Variants in GTPBP2 observed in about 807,000 individuals in gnomAD.
The protein encoded by GTPBP2 is GTP binding protein 2.
A neutral mutation model predicts 63.0 loss-of-function variants in GTPBP2; 32 were observed. The ratio of observed to expected loss-of-function variants is 0.51; its 90% CI spans 0.38 to 0.68. GTPBP2 has a LOEUF of 0.68. Among genes scored for constraint, GTPBP2 ranks in the 30% least tolerant of loss-of-function variants. The pLI is 0.00. For missense variants in GTPBP2, 492 were observed against 796.9 expected, an observed-to-expected ratio of 0.62 and a Z score of 4.61; for synonymous variants, 310 against 322.6, an observed-to-expected ratio of 0.96 and a Z score of 0.42.
At position 43,623,942 on chromosome 6, in the gene GTPBP2, C is replaced by T. The variant is rs1473301302; in HGVS notation, c.1227G>A (p.Thr409=). 4.3e-6 allele frequency: 7 copies of T among 1,613,860 alleles called. No homozygotes were observed. The highest frequency in any genetic ancestry group is 4.0e-5 in the African/African-American group (3 of 74,932). The part of the protein sequence containing the change: ...KEQEELMQQL[T]EFQVDEIYTV... Reference sequence around the variant, plus strand: ...TTGGGCAGTCAACTACCTGGAACTCCGTCAGCTGCTGCATGAGTTCCTCCT... The same window carrying T: ...TTGGGCAGTCAACTACCTGGAACTCTGTCAGCTGCTGCATGAGTTCCTCCT... The change falls in exon 8 of 12, where the codon ACG becomes ACA. Residue 409 remains threonine, a synonymous_variant. Transcript: ENST00000307126.
In GTPBP2 at chr6:43,621,590, T is replaced by C. The variant is rs959097310; in HGVS notation, c.*24A>G. 1 of 1,614,074 alleles carries C rather than the reference T, an allele frequency of 6.2e-7. No homozygotes were observed. Among genetic ancestry groups the C allele is most frequent in the Non-Finnish European group, 8.5e-7 (1 of 1,179,930 alleles). ...ACCTTATATATTGTAGGGACAGCAA[T>C]AGAACTGTCCCTGCCTGAAGGGTTC... On this transcript the variant is annotated 3_prime_UTR_variant, in exon 12 of 12. Coordinates refer to ENST00000307126, the MANE Select transcript of GTPBP2 (RefSeq NM_019096.5).
Position 43,621,496 on chromosome 6 carries a change from C to G in GTPBP2, c.*118G>C, listed in dbSNP as rs774955540. On this transcript the variant is annotated 3_prime_UTR_variant, in exon 12 of 12. Coordinates refer to ENST00000307126, the MANE Select transcript of GTPBP2 (RefSeq NM_019096.5). ...AAGTTGGCAGGGAGCAAGTGGCAGACAGCACCCCTCTCTCCCTAGCCTATT... is the reference window on the plus strand; with the variant it reads ...AAGTTGGCAGGGAGCAAGTGGCAGAGAGCACCCCTCTCTCCCTAGCCTATT... 1.3e-5 allele frequency: 20 copies of G among 1,565,164 alleles called. No individual in the cohort carries two copies. The highest frequency in any genetic ancestry group is 1.7e-5 in the Non-Finnish European group (20 of 1,154,632).
chr6:43,622,859 C>T lies in GTPBP2; in HGVS notation c.1296-55G>A. ...TCAGCCAAGGTCCCCATACCTACTT[C>T]TCTATTAGGATCACCCAGAGCATTC... On this transcript the variant is annotated intron_variant, in intron 9 of 11. Transcript: ENST00000307126. The surrounding 1 kb of genome is among the most constrained non-coding windows in gnomAD (Gnocchi z 5.4). 2 of 1,363,038 alleles carry T rather than the reference C, an allele frequency of 1.5e-6. No homozygotes were observed. The highest frequency in any genetic ancestry group is 2.0e-5 in the Admixed American group (1 of 51,256). The allele number at this position is 1,363,038 out of a possible 1,614,324, so 84.4% of individuals were successfully genotyped here.
chr6:43,625,125 CA>C lies in GTPBP2; in HGVS notation c.706-64del. 6.6e-7 allele frequency: 1 copy of C among 1,516,024 alleles called. No homozygotes were observed. The highest frequency in any genetic ancestry group is 1.8e-5 in the Admixed American group (1 of 57,122). The allele number at this position is 1,516,024 out of a possible 1,614,324, so 93.9% of individuals were successfully genotyped here. A position where few individuals can be genotyped will look rare whatever the true frequency, so the allele number is the denominator to read the frequency against. ...GCCCTTCCAACCCCTTCAGAGTTGC[CA>C]GGACCTAAACCATTCCCTGGGTGAC... is the stretch of plus-strand genomic sequence containing the variant. On this transcript the variant is annotated intron_variant, in intron 5 of 11. Coordinates refer to ENST00000307126, the MANE Select transcript of GTPBP2 (RefSeq NM_019096.5). The surrounding 1 kb of genome is among the most constrained non-coding windows in gnomAD (Gnocchi z 5.1).
Position 43,624,840 on chromosome 6 carries a change from A to G in GTPBP2, c.880+48T>C. ...TCCAAGATTTGAGGCCCAGGGTAGG[A>G]GAGTCAGCACCCCCCTTCAGCCCTG... On this transcript the variant is annotated intron_variant, in intron 6 of 11. Coordinates refer to ENST00000307126, the MANE Select transcript of GTPBP2 (RefSeq NM_019096.5). The surrounding 1 kb of genome is among the most constrained non-coding windows in gnomAD (Gnocchi z 5.1). 2 of 1,596,450 alleles carry G rather than the reference A, an allele frequency of 1.3e-6. No individual in the cohort carries two copies. The highest frequency in any genetic ancestry group is 8.6e-7 in the Non-Finnish European group (1 of 1,164,696).
chr6:43,622,164 T>G lies in GTPBP2; in HGVS notation c.1471A>C (p.Met491Leu). The G allele has an allele frequency of 6.2e-7, 1 of 1,609,536 alleles. No homozygotes were observed. The highest frequency in any genetic ancestry group is 8.5e-7 in the Non-Finnish European group (1 of 1,176,132). ...DFDRALLRKG[M>L]VMVSPEMNPT... ...TTCATCTCCGGGCTCACCATCACCA[T>G]GCCCTGGGGAGGAACAGACCCCAGG... The change falls in exon 11 of 12, where the codon ATG becomes CTG. Residue 491 changes from methionine to leucine, a missense_variant. Transcript: ENST00000307126. The surrounding 1 kb of genome is among the most constrained non-coding windows in gnomAD (Gnocchi z 5.4).
Position 43,624,675 on chromosome 6 carries a change from A to T in GTPBP2, c.935T>A (p.Phe312Tyr). ...TAGGTCGATCTTGCTGACCACGATG[A>T]AGAAGGGCACTTTCAGGGCCAGGGC... Reference protein sequence around the residue: ...GLALALKVPFFIVVSKIDLCA... With the variant: ...GLALALKVPFYIVVSKIDLCA... Residue 312 changes from phenylalanine to tyrosine, a missense_variant, in exon 7 of 12, where the codon TTC becomes TAC. By Grantham distance (22) the Phe-to-Tyr change is conservative. Coordinates refer to ENST00000307126, the MANE Select transcript of GTPBP2 (RefSeq NM_019096.5). This position sits in a 1 kb window ranked among gnomAD's most constrained non-coding sequence, Gnocchi z 5.1. 1 of 1,614,148 alleles carries T rather than the reference A, an allele frequency of 6.2e-7. No individual in the cohort carries two copies. The highest frequency in any genetic ancestry group is 1.3e-5 in the African/African-American group (1 of 75,032).
At position 43,625,123 on chromosome 6, in the gene GTPBP2, G is replaced by C. The variant is rs112379050; in HGVS notation, c.706-61C>G. On this transcript the variant is annotated intron_variant, in intron 5 of 11. Coordinates refer to ENST00000307126, the MANE Select transcript of GTPBP2 (RefSeq NM_019096.5). This position sits in a 1 kb window ranked among gnomAD's most constrained non-coding sequence, Gnocchi z 5.1. ...CAGCCCTTCCAACCCCTTCAGAGTT[G>C]CCAGGACCTAAACCATTCCCTGGGT... 8.6e-6 allele frequency: 13 copies of C among 1,518,966 alleles called. No homozygotes were observed. In the African/African-American group the frequency reaches 1.1e-4, roughly 13 times the overall value. The allele number at this position is 1,518,966 out of a possible 1,614,324, so 94.1% of individuals were successfully genotyped here.
At position 43,621,251 on chromosome 6, in the gene GTPBP2, C is replaced by T; in HGVS notation, c.*363G>A. 2.3e-6 allele frequency: 1 copy of T among 435,646 alleles called. No individual in the cohort carries two copies. The highest frequency in any genetic ancestry group is 4.4e-6 in the Non-Finnish European group (1 of 227,772). 27.0% of individuals were successfully genotyped at this position (435,646 alleles called of 1,614,324 possible). A position where few individuals can be genotyped will look rare whatever the true frequency, so the allele number is the denominator to read the frequency against. On this transcript the variant is annotated 3_prime_UTR_variant, in exon 12 of 12. Coordinates refer to ENST00000307126, the MANE Select transcript of GTPBP2 (RefSeq NM_019096.5). ...GGGCTACCCCCTGTTGTGACCATTC[C>T]TGAAGTGCAGAGACCACACCAGCAA...
rs1158589639 is a variant in GTPBP2, at chr6:43,626,757, A to C, written c.213+165T>G. Among the ~76,000 whole-genome samples the C allele has an allele frequency of 1.3e-5, 2 of 151,960 alleles. No individual in the cohort carries two copies. The highest frequency in any genetic ancestry group is 1.9e-4 in the East Asian group (1 of 5,184). ...ATGCCTGTAATCCCAGCTACTTGGG[A>C]GGCTGAGGCAGGAGAATCTGAGATT... On this transcript the variant is annotated intron_variant, in intron 2 of 11. Coordinates refer to ENST00000307126, the MANE Select transcript of GTPBP2 (RefSeq NM_019096.5). The surrounding 1 kb of genome is among the most constrained non-coding windows in gnomAD (Gnocchi z 4.0).
intron 1 of GTPBP2, chr6:43,628,478 G>T (rs1769601471): frequency 8.0e-6 from 5 of 623,846 alleles, no homozygotes; most frequent in Non-Finnish European, 8.0e-6. Context: ...GGCTGTGTGT[G>T]TGTGTGTGTG....
In GTPBP2 at chr6:43,626,335, G is replaced by A. The variant is rs375896614; in HGVS notation, c.289C>T (p.Arg97Cys). 45 of 1,613,950 alleles carry A rather than the reference G, an allele frequency of 2.8e-5. No homozygotes were observed. The highest frequency in any genetic ancestry group is 3.6e-5 in the Non-Finnish European group (42 of 1,179,958). Reference sequence around the variant, plus strand: ...CCAATCTGGTAGACGGCCTCACCACGTCCCTCCTGGAGCCGCCACTTCATT... The same window carrying A: ...CCAATCTGGTAGACGGCCTCACCACATCCCTCCTGGAGCCGCCACTTCATT... ...TQMKWRLQEG[R>C]GEAVYQIGVE... is the part of the protein sequence containing the mutation. The change falls in exon 3 of 12, where the codon CGT (arginine) becomes TGT (cysteine). Residue 97 changes from arginine to cysteine, a missense_variant. Around this residue, in one of 2 missense-constraint regions of GTPBP2, gnomAD observed 400 missense variants for 710.8 expected, o/e 0.56. Transcript: ENST00000307126. The surrounding 1 kb of genome is among the most constrained non-coding windows in gnomAD (Gnocchi z 4.0).
chr6:43,629,289 GC>G (rs1371045488), upstream of GTPBP2: 4 of 680,184 alleles, frequency 5.9e-6, no homozygotes, highest in Non-Finnish European at 8.9e-6. Context: ...CACAAGCTAC[GC>G]CCCCCACCTC....
chr6:43,631,067 G>C (rs2127854243), upstream of GTPBP2, among the ~76,000 whole-genome samples: 1 of 152,194 alleles, frequency 6.6e-6, no homozygotes, highest in African/African-American at 2.4e-5. Context: ...TTCCTCCCAG[G>C]GCCACAAGGA....
Position 43,621,792 on chromosome 6 carries a change from T to C in GTPBP2, c.1633-2A>G. On this transcript the variant is annotated splice_acceptor_variant, in intron 11 of 11. Transcript: ENST00000307126. LOFTEE classifies it high-confidence loss of function. ...CTTCTCGCCTGTCCGCAGTTTGTCC[T>C]GCAGCAAATAAGTGGTCACTCCCCT... The C allele has an allele frequency of 6.2e-7, 1 of 1,614,176 alleles. No homozygotes were observed. The highest frequency in any genetic ancestry group is 8.5e-7 in the Non-Finnish European group (1 of 1,180,010).
At chr6:43,629,938 A>T (rs1007477729), upstream of GTPBP2, among the ~76,000 whole-genome samples, 1 of 152,252 alleles carries the variant, frequency 6.6e-6, no homozygotes, top group Non-Finnish European at 1.5e-5. Context: ...TGGCCCCGAC[A>T]CGAGACCCGA....
At position 43,624,485 on chromosome 6, in the gene GTPBP2, G is replaced by C; in HGVS notation, c.1100+25C>G. ...CTGTGGCAGCCTTCCTAGTGGATCA[G>C]GGCTTTAGAGTAAGGTGGGCTTACT... On this transcript the variant is annotated intron_variant, in intron 7 of 11. Transcript: ENST00000307126. The surrounding 1 kb of genome is among the most constrained non-coding windows in gnomAD (Gnocchi z 5.1). 6.4e-7 allele frequency: 1 copy of C among 1,557,494 alleles called. No individual in the cohort carries two copies. Among genetic ancestry groups the C allele is most frequent in the Non-Finnish European group, 8.8e-7 (1 of 1,133,116 alleles).
Position 43,626,713 on chromosome 6 carries a change from T to C in GTPBP2, c.213+209A>G, listed in dbSNP as rs1769378755. Among the ~76,000 whole-genome samples the C allele has an allele frequency of 6.6e-6, 1 of 151,570 alleles. No homozygotes were observed. The highest frequency in any genetic ancestry group is 2.4e-5 in the African/African-American group (1 of 41,166). ...CTCATCTCTACTAAAAATACAAAAT[T>C]AGCCAGGCATGGTGGCGCATGCCTG... On this transcript the variant is annotated intron_variant, in intron 2 of 11. Transcript: ENST00000307126. The surrounding 1 kb of genome is among the most constrained non-coding windows in gnomAD (Gnocchi z 4.0).
chr6:43,621,924 C>T (rs761926846), intron 11 of GTPBP2, 79 bp downstream of exon 11: 22 of 1,598,512 alleles, frequency 1.4e-5, no homozygotes, highest in Non-Finnish European at 1.8e-5. Flanking sequence ...ATTGTGGGAT[C>T]AAGGAGTTCT....
Sources: allele counts gnomAD v4.1 joint callset (sites outside exome capture counted in the v4.1 genomes callset), GRCh38; gene constraint gnomAD v4.1.1; regional missense constraint gnomAD v4.1.1; non-coding constraint Gnocchi (gnomAD v3.1); transcripts MANE v1.5; gene names NCBI Gene and HGNC (gene_info 2026-07-23, HGNC 2026-07-21).